Variants in MAN2A1 observed in about 807,000 individuals in gnomAD.
MAN2A1 encodes the protein alpha-mannosidase 2.
MAN2A1 carries 76 observed loss-of-function variants against 142.6 expected under a neutral mutation model. That is an observed-to-expected ratio of 0.53 (90% CI 0.44 to 0.65). MAN2A1 has a LOEUF of 0.65. Ranked by LOEUF, MAN2A1 falls within the 30% of genes least tolerant of loss-of-function variation. MAN2A1 has a pLI of 0.00. For missense variants in MAN2A1, 1,311 were observed against 1,365.1 expected (o/e 0.96, Z 0.62); for synonymous variants, 559 against 473.2 (o/e 1.18, Z -2.35).
chr5:109,770,624 G>A (rs1028816959), intron 7 of MAN2A1, 83 bp downstream of exon 7: 2 of 1,225,356 alleles, frequency 1.6e-6, no homozygotes, highest in African/African-American at 1.5e-5. Flanking sequence ...TGAACAAATG[G>A]GCTTTATTAG....
At chr5:109,807,891 A>T (rs957257181) in intron 12 of MAN2A1, among the ~76,000 whole-genome samples, 6 of 152,290 alleles carry the variant, frequency 3.9e-5, no homozygotes, top group Admixed American at 3.9e-4. Context: ...ACTTGAAGCT[A>T]TCTACTTCGC....
At chr5:109,694,658 GTT>G (rs33993965) in intron 1 of MAN2A1, among the ~76,000 whole-genome samples, 1 of 146,568 alleles carries the variant, frequency 6.8e-6, no homozygotes, top group African/African-American at 2.5e-5. Flanking sequence ...TGCCTTTTGT[GTT>G]TTTTTTTTTT....
intron 4 of MAN2A1, among the ~76,000 whole-genome samples, chr5:109,738,114 A>G (rs1752157605): frequency 6.6e-6 from 1 of 152,166 alleles, no homozygotes; most frequent in Non-Finnish European, 1.5e-5. Context: ...TTATTTCCTC[A>G]TGTAATCAAT....
At position 109,819,841 on chromosome 5, in the gene MAN2A1, A is replaced by G. The variant is rs1441663399; in HGVS notation, c.2282A>G (p.Glu761Gly). The G allele has an allele frequency of 1.9e-6, 3 of 1,608,376 alleles. No individual in the cohort carries two copies. In the Admixed American group the frequency reaches 5.1e-5, roughly 27 times the overall value. ...MINTEEGITLENSFVLLRFDQ... is the reference protein window; with the variant it reads ...MINTEEGITLGNSFVLLRFDQ... ...AATACTGAAGAAGGTATAACACTAG[A>G]GAACTCCTTTGTTTTACTTCGGTTT... is the stretch of plus-strand genomic sequence containing the variant. The change falls in exon 14 of 22, where the codon GAG becomes GGG. Residue 761 changes from glutamate to glycine, a missense_variant. Glu to Gly is a moderately conservative substitution (Grantham distance 98, BLOSUM62 -2). Coordinates refer to ENST00000261483, the MANE Select transcript of MAN2A1 (RefSeq NM_002372.4).
intron 4 of MAN2A1, among the ~76,000 whole-genome samples, chr5:109,732,256 A>T (rs973377235): frequency 8.0e-5 from 12 of 150,678 alleles, no homozygotes; most frequent in Non-Finnish European, 1.5e-4. Flanking sequence ...TAGATTCTGG[A>T]TATTAGCCCT....
Position 109,845,854 on chromosome 5 carries a change from G to T in MAN2A1, c.2701-11G>T, listed in dbSNP as rs1389120956. On this transcript the variant is annotated splice_polypyrimidine_tract_variant and intron_variant, in intron 17 of 21. Coordinates refer to ENST00000261483, the MANE Select transcript of MAN2A1 (RefSeq NM_002372.4). The stretch of plus-strand genomic sequence containing the variant: ...ATCACTTTTTGTAGATGGAATTGTT[G>T]TGTTTTATAGATTCAACCTAGAATG... 1.3e-5 allele frequency: 21 copies of T among 1,602,630 alleles called. No individual in the cohort carries two copies. The highest frequency in any genetic ancestry group is 1.8e-5 in the Non-Finnish European group (21 of 1,175,000).
intron 8 of MAN2A1, among the ~76,000 whole-genome samples, chr5:109,776,470 T>A (rs1250833127): frequency 6.6e-6 from 1 of 152,134 alleles, no homozygotes; most frequent in East Asian, 1.9e-4. Context: ...GTATCTTATC[T>A]GTAATTACAT....
chr5:109,780,177 C>T (rs1753416568), intron 8 of MAN2A1, among the ~76,000 whole-genome samples: 1 of 152,104 alleles, frequency 6.6e-6, no homozygotes. Context: ...CCTGCCTCAG[C>T]CTCCCGAGTA....
intron 4 of MAN2A1, among the ~76,000 whole-genome samples, chr5:109,747,503 T>A (rs926435019): frequency 6.6e-6 from 1 of 152,204 alleles, no homozygotes; most frequent in Non-Finnish European, 1.5e-5. Flanking sequence ...TCTAGGTAAT[T>A]TTTTAACTTT....
At chr5:109,795,765 T>C (rs929531527) in intron 12 of MAN2A1, among the ~76,000 whole-genome samples, 2 of 152,242 alleles carry the variant, frequency 1.3e-5, no homozygotes, top group African/African-American at 4.8e-5. Flanking sequence ...TATTTTTCTA[T>C]TGGAAGAGTG....
At chr5:109,809,341 C>T (rs568645354) in intron 12 of MAN2A1, among the ~76,000 whole-genome samples, 2 of 151,578 alleles carry the variant, frequency 1.3e-5, no homozygotes, top group East Asian at 3.9e-4. Flanking sequence ...TATATTTACC[C>T]CTCTTTGTGC....
intron 3 of MAN2A1, among the ~76,000 whole-genome samples, chr5:109,721,575 CTTAA>C (rs1054431347): frequency 6.6e-6 from 1 of 152,100 alleles, no homozygotes; most frequent in African/African-American, 2.4e-5. Context: ...ATCTGACAAC[CTTAA>C]TTGTTAAGAA....
intron 12 of MAN2A1, among the ~76,000 whole-genome samples, chr5:109,804,511 T>C (rs981980367): frequency 5.3e-5 from 8 of 152,158 alleles, no homozygotes; most frequent in Non-Finnish European, 1.2e-4. Context: ...TGTGTTCTTT[T>C]ATCCCTTGTG....
At chr5:109,707,406 A>G (rs561776779) in intron 1 of MAN2A1, among the ~76,000 whole-genome samples, 2 of 152,218 alleles carry the variant, frequency 1.3e-5, no homozygotes, top group African/African-American at 2.4e-5. Context: ...TTTTCTCCCA[A>G]TAAATACCTA....
rs1308519996 is a variant in MAN2A1 at position 109,690,317 on chromosome 5, G to C, written c.-101G>C. ...CATCCGAGAGCGCGGAGGTCGCGCA[G>C]CCCGGGAGAAGGGAGCCTCCGGCGG... On this transcript the variant is annotated 5_prime_UTR_variant, in exon 1 of 22. Transcript: ENST00000261483. The C allele has an allele frequency of 1.5e-6, 2 of 1,319,066 alleles. No homozygotes were observed. Among genetic ancestry groups the C allele is most frequent in the East Asian group, 4.7e-5 (2 of 42,844 alleles). 81.7% of individuals were successfully genotyped at this position (1,319,066 alleles called of 1,614,324 possible).
At position 109,729,530 on chromosome 5, in the gene MAN2A1, T is replaced by C. The variant is rs1010952686; in HGVS notation, c.707+17T>C. On this transcript the variant is annotated intron_variant, in intron 4 of 21. Transcript: ENST00000261483. The stretch of plus-strand genomic sequence containing the variant: ...TGTTAAAAGGTTTGTTTTAAAACTT[T>C]TTTGGAATTTGGTAATATTAAAGCT... 2.9e-5 allele frequency: 41 copies of C among 1,404,266 alleles called. No homozygotes were observed. Among genetic ancestry groups the C allele is most frequent in the Non-Finnish European group, 3.8e-5 (40 of 1,058,488 alleles). 87.0% of individuals were successfully genotyped at this position (1,404,266 alleles called of 1,614,324 possible). A position where few individuals can be genotyped will look rare whatever the true frequency, so the allele number is the denominator to read the frequency against.
In MAN2A1 at chr5:109,690,104, GC is replaced by G. The variant is rs1420112649; in HGVS notation, c.-313del. 6.8e-6 allele frequency: 2 copies of G among 293,820 alleles called. No individual in the cohort carries two copies. The highest frequency in any genetic ancestry group is 4.5e-5 in the African/African-American group (2 of 44,192). The allele number at this position is 293,820 out of a possible 1,614,324, so 18.2% of individuals were successfully genotyped here. A position where few individuals can be genotyped will look rare whatever the true frequency, so the allele number is the denominator to read the frequency against. ...CAGCGACCTCTCCTCCGCCTGCCCC[GC>G]GCGCCCTGCCGGAGGTCGGCGCTGA... On this transcript the variant is annotated 5_prime_UTR_variant, in exon 1 of 22. Coordinates refer to ENST00000261483, the MANE Select transcript of MAN2A1 (RefSeq NM_002372.4).
chr5:109,690,590 C>T, intron 1 of MAN2A1, 38 bp downstream of exon 1: 1 of 1,554,210 alleles, frequency 6.4e-7, no homozygotes. Flanking sequence ...CTCCGAGGGG[C>T]CAGGCGTGCG....
intron 4 of MAN2A1, among the ~76,000 whole-genome samples, chr5:109,748,057 G>A (rs10078710): frequency 0.3 from 45,231 of 151,946 alleles, 7,150 homozygotes; most frequent in East Asian, 0.64. Context: ...AACTACTCCC[G>A]ATTTTCTGGC....
Sources: allele counts gnomAD v4.1 joint callset (sites outside exome capture counted in the v4.1 genomes callset), GRCh38; gene constraint gnomAD v4.1.1; transcripts MANE v1.5; gene names NCBI Gene and HGNC (gene_info 2026-07-23, HGNC 2026-07-21).